The following THEMIS variants were observed in gnomAD, a reference collection of about 807,000 sequenced individuals.
THEMIS encodes the protein protein THEMIS.
A neutral mutation model predicts 52.6 loss-of-function variants in THEMIS; 37 were observed. The ratio of observed to expected loss-of-function variants is 0.70; its 90% CI spans 0.54 to 0.93. THEMIS has a LOEUF of 0.93. Ranked by LOEUF, THEMIS falls within the 40% of genes least tolerant of loss-of-function variation. The pLI is 0.00. For missense variants in THEMIS, 808 were observed against 763.1 expected, an observed-to-expected ratio of 1.06 and a Z score of -0.69; for synonymous variants, 292 against 272.7, an observed-to-expected ratio of 1.07 and a Z score of -0.70.
chr6:127,806,579 G>A (rs1304813120), intron 4 of THEMIS, among the ~76,000 whole-genome samples: 1 of 152,146 alleles, frequency 6.6e-6, no homozygotes, highest in Non-Finnish European at 1.5e-5. Context: ...AAATTATCCA[G>A]AGAAAATCAG....
At chr6:127,870,858 C>T (rs1780136515) in intron 1 of THEMIS, among the ~76,000 whole-genome samples, 2 of 152,112 alleles carry the variant, frequency 1.3e-5, no homozygotes, top group African/African-American at 4.8e-5. Flanking sequence ...ACTGCTCTAA[C>T]TAAAAAGAGA....
chr6:127,715,822 G>A (rs761872039), intron 5 of THEMIS, among the ~76,000 whole-genome samples: 1 of 151,864 alleles, frequency 6.6e-6, no homozygotes, highest in South Asian at 2.1e-4. Flanking sequence ...CTAACTCAGA[G>A]TAAGCCAGAG....
In THEMIS at chr6:127,829,473, C is replaced by T; in HGVS notation, c.709+3G>A. On this transcript the variant is annotated splice_donor_region_variant and intron_variant, in intron 3 of 5. Coordinates refer to ENST00000368248, the MANE Select transcript of THEMIS (RefSeq NM_001010923.3). The stretch of plus-strand genomic sequence containing the variant: ...TAGAACATCATTCTCAGTGGATACT[C>T]ACATTTCATCACACCTTGAATTTCA... The T allele has an allele frequency of 6.3e-7, 1 of 1,589,916 alleles. No individual in the cohort carries two copies. Among genetic ancestry groups the T allele is most frequent in the Non-Finnish European group, 8.5e-7 (1 of 1,169,676 alleles).
At chr6:127,913,152 C>A (rs1781448535) in intron 1 of THEMIS, among the ~76,000 whole-genome samples, 1 of 152,034 alleles carries the variant, frequency 6.6e-6, no homozygotes. Context: ...ACATGAAATG[C>A]CTGGACATAG....
At chr6:127,700,570 G>A in the THEMIS span, among the ~76,000 whole-genome samples, 1 of 152,004 alleles carries the variant, frequency 6.6e-6, no homozygotes, top group Non-Finnish European at 1.5e-5. Flanking sequence ...TAAGGAACAT[G>A]CTGAAGAAAA....
At chr6:127,869,781 T>C (rs1406494132) in intron 1 of THEMIS, among the ~76,000 whole-genome samples, 1 of 152,172 alleles carries the variant, frequency 6.6e-6, no homozygotes, top group Admixed American at 6.5e-5. Context: ...GCCAAAGGGC[T>C]AGGAAAGGAA....
chr6:127,717,551 A>C lies in THEMIS; in HGVS notation c.1894+2137T>G, dbSNP rs1371485654. On this transcript the variant is annotated intron_variant, in intron 5 of 5. Transcript: ENST00000368248. ...GGTGAAATGTTTTCATCAGTTTCTT[A>C]GTGAAGACATCAGTGGCTGACAGCA... 5.3e-5 allele frequency among the ~76,000 whole-genome samples: 8 copies of C among 152,070 alleles called. No individual in the cohort carries two copies. The South Asian group carries it at 6.2e-4, about 12-fold the overall frequency.
intron 1 of THEMIS, among the ~76,000 whole-genome samples, chr6:127,896,724 A>G (rs1780979308): frequency 6.6e-6 from 1 of 151,540 alleles, no homozygotes; most frequent in Admixed American, 6.6e-5. Flanking sequence ...GTGTGTTATA[A>G]TCATCAGGAA....
intron 2 of THEMIS, among the ~76,000 whole-genome samples, chr6:127,842,786 T>A (rs1050817254): frequency 3.3e-5 from 5 of 152,012 alleles, no homozygotes; most frequent in Non-Finnish European, 7.4e-5. Flanking sequence ...CAACCCCTTA[T>A]TTGGGGTTTG....
At chr6:127,699,598 T>C in the THEMIS span, among the ~76,000 whole-genome samples, 11 of 151,528 alleles carry the variant, frequency 7.3e-5, no homozygotes, top group African/African-American at 2.4e-4. Context: ...AAGAGATTGA[T>C]AGAACAGAGA....
At chr6:127,819,036 C>T (rs1160459934) in intron 3 of THEMIS, among the ~76,000 whole-genome samples, 2 of 134,432 alleles carry the variant, frequency 1.5e-5, no homozygotes, top group Non-Finnish European at 3.1e-5. Flanking sequence ...AGGAGAATTG[C>T]CTGAACCCGG....
chr6:127,790,347 T>A (rs555119762), intron 4 of THEMIS, among the ~76,000 whole-genome samples: 1 of 152,340 alleles, frequency 6.6e-6, no homozygotes, highest in East Asian at 1.9e-4. Context: ...AATTGTTGAA[T>A]GAAAATAAAA....
chr6:127,726,221 T>C (rs1290105161), intron 4 of THEMIS, among the ~76,000 whole-genome samples: 7 of 152,070 alleles, frequency 4.6e-5, no homozygotes, highest in Non-Finnish European at 1.0e-4. Context: ...TTTAAAAGAG[T>C]TGGTATCTAC....
intron 1 of THEMIS, among the ~76,000 whole-genome samples, chr6:127,864,985 G>GA (rs1779928775): frequency 6.6e-6 from 1 of 152,148 alleles, no homozygotes; most frequent in Non-Finnish European, 1.5e-5. Context: ...CACATGGACA[G>GA]GGCATCATTC....
At chr6:127,804,435 C>A (rs1777633972) in intron 4 of THEMIS, among the ~76,000 whole-genome samples, 1 of 152,144 alleles carries the variant, frequency 6.6e-6, no homozygotes, top group Admixed American at 6.5e-5. Flanking sequence ...ATGATCACAG[C>A]ATCCATCTCA....
the THEMIS span, among the ~76,000 whole-genome samples, chr6:127,699,305 T>A: frequency 6.6e-6 from 1 of 151,684 alleles, no homozygotes; most frequent in African/African-American, 2.4e-5. Flanking sequence ...TGTGTGTGGT[T>A]TCTATGTTTG....
At chr6:127,702,862 C>T in the THEMIS span, among the ~76,000 whole-genome samples, 236 of 151,900 alleles carry the variant, frequency 1.6e-3, 2 homozygotes, top group Non-Finnish European at 8.7e-4. Flanking sequence ...TCTTGTGAGA[C>T]GTATTCACTC....
In THEMIS at chr6:127,822,574, A is replaced by C. The variant is rs545694669; in HGVS notation, c.709+6902T>G. ...CTTTTACATTTTAATTTAGTCCATA[A>C]AATCTAAGAAAAGCAAATAAACACT... On this transcript the variant is annotated intron_variant, in intron 3 of 5. Coordinates refer to ENST00000368248, the MANE Select transcript of THEMIS (RefSeq NM_001010923.3). 2.0e-5 allele frequency among the ~76,000 whole-genome samples: 3 copies of C among 152,288 alleles called. No homozygotes were observed. In the South Asian group the frequency reaches 6.2e-4, roughly 32 times the overall value.
intron 1 of THEMIS, among the ~76,000 whole-genome samples, chr6:127,880,723 T>C (rs747569130): frequency 3.3e-5 from 5 of 152,102 alleles, no homozygotes; most frequent in Non-Finnish European, 5.9e-5. Flanking sequence ...TTGAGTCCTA[T>C]CTATTTTTTG....
Sources: gnomAD v4.1 joint callset for allele counts (sites outside exome capture counted in the v4.1 genomes callset) on GRCh38, gnomAD v4.1.1 for gene constraint, MANE v1.5 for transcripts, NCBI Gene and HGNC (gene_info 2026-07-23, HGNC 2026-07-21) for gene names.